Variants in CNGB1 observed in about 807,000 individuals in gnomAD.
The protein encoded by CNGB1 is cyclic nucleotide gated channel subunit beta 1.
In CNGB1, 126 loss-of-function variants were observed where a neutral mutation model predicts 151.7. The ratio of observed to expected loss-of-function variants is 0.83; its 90% confidence interval spans 0.72 to 0.96. CNGB1 has a LOEUF of 0.96. CNGB1 is among the 40% of genes least tolerant of loss of function. The pLI, the probability that CNGB1 is intolerant of heterozygous loss-of-function variation, is 0.00. For synonymous variants in CNGB1, 623 were observed against 635.1 expected, an observed-to-expected ratio of 0.98 and a Z score of 0.29; for missense variants, 1,698 against 1,627.0, an observed-to-expected ratio of 1.04 and a Z score of -0.75.
At chr16:57,903,600 C>G (rs950597101) in intron 27 of CNGB1, among the ~76,000 whole-genome samples, 1 of 152,182 alleles carries the variant, frequency 6.6e-6, no homozygotes, top group Non-Finnish European at 1.5e-5. Flanking sequence ...AGAAGACAAG[C>G]CCCCCGTCTC....
intron 16 of CNGB1, among the ~76,000 whole-genome samples, chr16:57,939,170 C>A (rs1262044062): frequency 6.6e-6 from 1 of 152,054 alleles, no homozygotes; most frequent in African/African-American, 2.4e-5. Context: ...TGGCTGGGAT[C>A]GGGATTTCCC....
intron 31 of CNGB1, among the ~76,000 whole-genome samples, chr16:57,891,363 G>A (rs563351125): frequency 6.6e-6 from 1 of 152,172 alleles, no homozygotes; most frequent in South Asian, 2.1e-4. Flanking sequence ...CATGAACTTG[G>A]CCAGGCGTGG....
chr16:57,915,897 CA>C (rs36093437), intron 22 of CNGB1, among the ~76,000 whole-genome samples: 156 of 103,224 alleles, frequency 1.5e-3, no homozygotes, highest in Admixed American at 2.0e-3. Flanking sequence ...GACCCTGTCT[CA>C]AAAAAAAAAA....
intron 10 of CNGB1, among the ~76,000 whole-genome samples, 155 bp downstream of exon 10, chr16:57,959,733 G>A (rs1432828114): frequency 6.6e-6 from 1 of 152,232 alleles, no homozygotes; most frequent in African/African-American, 2.4e-5. Flanking sequence ...TAGAAAATGT[G>A]GGAAAGGGCA....
rs1032798176 is a variant in CNGB1 at position 57,911,890 on chromosome 16, C to T, written c.2370-15G>A. The stretch of plus-strand genomic sequence containing the variant: ...TCCTGATGACCCTGCAGAAGGAACA[C>T]AGCGCATGAACACAGCGGCGGAAGG... On this transcript the variant is annotated splice_polypyrimidine_tract_variant and intron_variant, in intron 24 of 32. Coordinates refer to ENST00000251102, the MANE Select transcript of CNGB1 (RefSeq NM_001297.5). The T allele has an allele frequency of 6.2e-7, 1 of 1,612,942 alleles. No individual in the cohort carries two copies. Among genetic ancestry groups the T allele is most frequent in the Non-Finnish European group, 8.5e-7 (1 of 1,179,322 alleles).
At chr16:57,949,308 C>A in intron 14 of CNGB1, 45 bp downstream of exon 14, 1 of 1,602,702 alleles carries the variant, frequency 6.2e-7, no homozygotes, top group Non-Finnish European at 8.5e-7. Flanking sequence ...GCTCAGCCAA[C>A]CCCAGCCCCA....
chr16:57,946,058 GC>G (rs1397046568), intron 14 of CNGB1, among the ~76,000 whole-genome samples: 1 of 152,232 alleles, frequency 6.6e-6, no homozygotes, highest in East Asian at 1.9e-4. Context: ...GCCTGCCAAG[GC>G]CCCCTCTTGT....
chr16:57,899,170 G>T (rs1279880003), intron 29 of CNGB1, among the ~76,000 whole-genome samples: 6 of 152,160 alleles, frequency 3.9e-5, no homozygotes, highest in Admixed American at 1.3e-4. Context: ...AAGTTAAACC[G>T]AATGCATGCA....
chr16:57,890,352 C>T (rs559620265), intron 31 of CNGB1, among the ~76,000 whole-genome samples: 1 of 152,324 alleles, frequency 6.6e-6, no homozygotes, highest in East Asian at 1.9e-4. Context: ...CTCTGACACG[C>T]GCCAGCTCGG....
chr16:57,926,162 C>G (rs1368874240), intron 17 of CNGB1, among the ~76,000 whole-genome samples: 2 of 152,228 alleles, frequency 1.3e-5, no homozygotes, highest in African/African-American at 2.4e-5. Context: ...CTTTCCCCAG[C>G]TGGAGTGTCA....
intron 20 of CNGB1, 69 bp downstream of exon 20, chr16:57,919,030 C>T: frequency 6.2e-7 from 1 of 1,610,418 alleles, no homozygotes; most frequent in South Asian, 1.1e-5. Flanking sequence ...CTGACCCTCT[C>T]CCCATCCCGC....
intron 16 of CNGB1, among the ~76,000 whole-genome samples, chr16:57,936,770 G>A (rs185781480): frequency 6.7e-6 from 1 of 150,050 alleles, no homozygotes; most frequent in East Asian, 1.9e-4. Context: ...GGGTGACAGA[G>A]AGAGACTCTG....
chr16:57,918,491 A>G (rs1960942053), intron 20 of CNGB1, among the ~76,000 whole-genome samples: 1 of 152,238 alleles, frequency 6.6e-6, no homozygotes, highest in Non-Finnish European at 1.5e-5. Context: ...CTTAAAGGGA[A>G]GCAAGAGGAA....
At chr16:57,915,389 G>A in intron 22 of CNGB1, 54 bp from the exon 23 acceptor site, 1 of 1,385,672 alleles carries the variant, frequency 7.2e-7, no homozygotes. Context: ...CAGGGTGGAA[G>A]GTGAGGGGAG....
At chr16:57,933,054 G>C (rs138049417) in intron 16 of CNGB1, among the ~76,000 whole-genome samples, 55 of 152,200 alleles carry the variant, frequency 3.6e-4, no homozygotes, top group Non-Finnish European at 7.5e-4. Flanking sequence ...GCAGCCTCCC[G>C]AGTAGCTGGG....
Position 57,912,982 on chromosome 16 carries a change from A to G in CNGB1, c.2317T>C (p.Phe773Leu), listed in dbSNP as rs2149362738. Residue 773 changes from phenylalanine (F) to leucine (L), a missense_variant, in exon 24 of 33, where the codon TTC (phenylalanine) becomes CTC (leucine). Physicochemically the swap from Phe to Leu is conservative, Grantham distance 22. Transcript: ENST00000251102. ...LPRCLKYMAF[F>L]EFNSRLESIL... ...GATTCCAGGCGGCTGTTAAACTCGAAGAAGGCCATGTACTGGAGGGAGAGG... is the reference window on the plus strand; with the variant it reads ...GATTCCAGGCGGCTGTTAAACTCGAGGAAGGCCATGTACTGGAGGGAGAGG... The G allele has an allele frequency of 6.2e-7, 1 of 1,613,982 alleles. No individual in the cohort carries two copies. The highest frequency in any genetic ancestry group is 1.1e-5 in the South Asian group (1 of 91,082).
At chr16:57,892,903 C>T (rs1276924550) in intron 31 of CNGB1, among the ~76,000 whole-genome samples, 1 of 152,168 alleles carries the variant, frequency 6.6e-6, no homozygotes, top group African/African-American at 2.4e-5. Context: ...TCCGTCACTT[C>T]CCGCTCCTCC....
At chr16:57,936,188 T>G (rs1038274924) in intron 16 of CNGB1, among the ~76,000 whole-genome samples, 1 of 152,288 alleles carries the variant, frequency 6.6e-6, no homozygotes, top group East Asian at 1.9e-4. Flanking sequence ...TCACAATCAA[T>G]GGATCCAGAC....
chr16:57,923,070 A>G, intron 18 of CNGB1: 1 of 463,968 alleles, frequency 2.2e-6, no homozygotes. Flanking sequence ...CTGGGCCCAG[A>G]GGTTGAGCCC....
Sources: allele counts gnomAD v4.1 joint callset (sites outside exome capture counted in the v4.1 genomes callset), GRCh38; gene constraint gnomAD v4.1.1; transcripts MANE v1.5; gene names NCBI Gene and HGNC (gene_info 2026-07-23, HGNC 2026-07-21).